Variants in CACNG5 observed in about 807,000 individuals in gnomAD.
The protein encoded by CACNG5 is calcium voltage-gated channel auxiliary subunit gamma 5, also known as voltage-dependent calcium channel gamma-5 subunit.
CACNG5 carries 18 observed loss-of-function variants against 24.8 expected under a neutral mutation model. The ratio of observed to expected loss-of-function variants is 0.73; its 90% CI spans 0.50 to 1.08. The LOEUF (loss-of-function observed/expected upper bound fraction) is 1.08. CACNG5 is among the 50% of genes least tolerant of loss of function. CACNG5 has a pLI of 0.00. For missense variants in CACNG5, 349 were observed against 367.9 expected (o/e 0.95, Z 0.42); for synonymous variants, 157 against 149.1 (o/e 1.05, Z -0.39).
chr17:66,884,542 C>G lies in CACNG5; in HGVS notation c.451C>G (p.Leu151Val), dbSNP rs201816822. The part of the protein sequence containing the change: ...SGLSLVVGLV[L>V]YISSINDEML... The stretch of plus-strand genomic sequence containing the variant: ...CCTCTCTCTCGTGGTGGGCCTGGTG[C>G]TCTACATCTCCAGCATCAACGATGA... The change falls in exon 5 of 6, where the codon CTC (leucine) becomes GTC (valine). Residue 151 changes from leucine to valine, a missense_variant. Leu to Val is a conservative substitution (Grantham distance 32). Transcript: ENST00000533854. 1.5e-5 allele frequency: 25 copies of G among 1,613,396 alleles called. No individual in the cohort carries two copies. The East Asian group carries it at 5.3e-4, about 35-fold the overall frequency.
At position 66,890,658 on chromosome 17, in the gene CACNG5, T is replaced by G. The variant is rs1006392838; in HGVS notation, c.*5418T>G. 4.6e-5 allele frequency among the ~76,000 whole-genome samples: 7 copies of G among 152,252 alleles called. No individual in the cohort carries two copies. Among genetic ancestry groups the G allele is most frequent in the African/African-American group, 1.7e-4 (7 of 41,462 alleles). On this transcript the variant is annotated 3_prime_UTR_variant, in exon 6 of 6. Transcript: ENST00000533854. ...GTTTGCATGCGTGGGCTCTCTGTCC[T>G]GCTGGTTCAGAGGCCTGAGTTCTCA...
In CACNG5 at chr17:66,884,646, C is replaced by G; in HGVS notation, c.555C>G (p.Ser185=). 3 of 1,614,216 alleles carry G rather than the reference C, an allele frequency of 1.9e-6. No individual in the cohort carries two copies. Among genetic ancestry groups the G allele is most frequent in the Non-Finnish European group, 2.5e-6 (3 of 1,180,048 alleles). The change falls in exon 5 of 6, where the codon TCC becomes TCG. Residue 185 remains serine, a synonymous_variant. Transcript: ENST00000533854. Reference sequence around the variant, plus strand: ...GGTCGTTTGCCTTCGCCGCCATCTCCTTCCTTTTAACGGAGGTAAAGCCCG... The same window carrying G: ...GGTCGTTTGCCTTCGCCGCCATCTCGTTCCTTTTAACGGAGGTAAAGCCCG... ...YGWSFAFAAI[S]FLLTESAGVM... is the part of the protein sequence containing the mutation.
Position 66,888,892 on chromosome 17 carries a change from T to C in CACNG5, c.*3652T>C, listed in dbSNP as rs913693566. On this transcript the variant is annotated 3_prime_UTR_variant, in exon 6 of 6. Coordinates refer to ENST00000533854, the MANE Select transcript of CACNG5 (RefSeq NM_145811.3). ...TTCTGGTCAGAGATGTCATTTGTGG[T>C]TTATGGTCATGTTGACCTTAGCCAT... 3.9e-5 allele frequency among the ~76,000 whole-genome samples: 6 copies of C among 152,150 alleles called. No homozygotes were observed. Among genetic ancestry groups the C allele is most frequent in the African/African-American group, 1.2e-4 (5 of 41,438 alleles).
chr17:66,855,336 C>G (rs1458569827), intron 1 of CACNG5, among the ~76,000 whole-genome samples: 1 of 152,166 alleles, frequency 6.6e-6, no homozygotes, highest in Non-Finnish European at 1.5e-5. Context: ...GGCCCCAGGC[C>G]CGGGGCCTCT....
Position 66,854,165 on chromosome 17 carries a change from C to T in CACNG5, c.-104+18915C>T, listed in dbSNP as rs9914995. On this transcript the variant is annotated intron_variant, in intron 1 of 5. Coordinates refer to ENST00000533854, the MANE Select transcript of CACNG5 (RefSeq NM_145811.3). ...AGTGAAAAGGCCGGGTGCGGTGGCT[C>T]ACGCCTGTAATCTCAGCACTTTGGG... is the stretch of plus-strand genomic sequence containing the variant. 9.5e-3 allele frequency among the ~76,000 whole-genome samples: 1,447 copies of T among 152,308 alleles called. 28 individuals carry two copies. The highest frequency in any genetic ancestry group is 0.033 in the African/African-American group (1,363 of 41,558).
chr17:66,865,791 G>T (rs1453170303), intron 1 of CACNG5, among the ~76,000 whole-genome samples: 1 of 143,516 alleles, frequency 7.0e-6, no homozygotes, highest in Non-Finnish European at 1.5e-5. Flanking sequence ...CACCATGCAC[G>T]GCTAATTTTT....
rs762888344 is a variant in CACNG5 at position 66,880,569 on chromosome 17, C to T, written c.296C>T (p.Ser99Leu). 1.2e-6 allele frequency: 2 copies of T among 1,614,224 alleles called. No individual in the cohort carries two copies. The highest frequency in any genetic ancestry group is 2.2e-5 in the South Asian group (2 of 91,084). The change falls in exon 4 of 6, where the codon TCA becomes TTA. Residue 99 changes from serine (S) to leucine (L), a missense_variant. By Grantham distance (145) the Ser-to-Leu change is moderately radical (BLOSUM62 -2). Transcript: ENST00000533854. ...STVNVLKMIRSATPFPLVSLF... is the reference protein window; with the variant it reads ...STVNVLKMIRLATPFPLVSLF... ...TCCCGTTAATTAGAGATGATCCGCTCAGCCACACCATTCCCTCTGGTCAGC... is the reference window on the plus strand; with the variant it reads ...TCCCGTTAATTAGAGATGATCCGCTTAGCCACACCATTCCCTCTGGTCAGC...
intron 1 of CACNG5, among the ~76,000 whole-genome samples, chr17:66,872,904 G>T (rs183576551): frequency 6.6e-6 from 1 of 152,116 alleles, no homozygotes; most frequent in South Asian, 2.1e-4. Context: ...ACTGTGTCTC[G>T]TACATTTCTA....
intron 1 of CACNG5, among the ~76,000 whole-genome samples, chr17:66,866,977 A>G (rs940479538): frequency 1.3e-5 from 2 of 152,184 alleles, no homozygotes; most frequent in African/African-American, 4.8e-5. Flanking sequence ...TCCTTTGGGT[A>G]TATACCCAGT....
intron 1 of CACNG5, among the ~76,000 whole-genome samples, chr17:66,858,462 A>C (rs945572199): frequency 3.9e-5 from 6 of 152,190 alleles, no homozygotes; most frequent in African/African-American, 1.4e-4. Context: ...CGCAGGACTA[A>C]CAGTCCCAGG....
rs150711120 is a variant in CACNG5, at chr17:66,857,467, G to C, written c.-103-19763G>C. On this transcript the variant is annotated intron_variant, in intron 1 of 5. Transcript: ENST00000533854. ...CACTCTAAAAAAGTATAAAGACACA[G>C]GTTAAATTAATTTTAATAATATATT... 5.3e-3 allele frequency among the ~76,000 whole-genome samples: 802 copies of C among 152,290 alleles called. 6 individuals are homozygous for C. The highest frequency in any genetic ancestry group is 0.019 in the African/African-American group (769 of 41,562).
intron 1 of CACNG5, among the ~76,000 whole-genome samples, chr17:66,862,287 G>C (rs1394199433): frequency 6.6e-6 from 1 of 152,058 alleles, no homozygotes; most frequent in African/African-American, 2.4e-5. Flanking sequence ...CTCTTCATAG[G>C]TACAGGTGTT....
At chr17:66,884,952 G>A (rs762239225) in intron 5 of CACNG5, 31 bp from the exon 6 acceptor site, 100 of 1,613,922 alleles carry the variant, frequency 6.2e-5, no homozygotes, top group Non-Finnish European at 7.9e-5. Context: ...CCCCAGCAGC[G>A]AGCCCATCCT....
rs1052686308 is a variant in CACNG5, at chr17:66,893,672, C to T, written c.*8432C>T. On this transcript the variant is annotated 3_prime_UTR_variant, in exon 6 of 6. Transcript: ENST00000533854. ...CAGATTCCATTTTCCTGGCTGACTC[C>T]CAGGGCACCATGGAGCAAATGGCCA... Among the ~76,000 whole-genome samples, 1 of 152,162 alleles carries T rather than the reference C, an allele frequency of 6.6e-6. No individual in the cohort carries two copies. Among genetic ancestry groups the T allele is most frequent in the Non-Finnish European group, 1.5e-5 (1 of 68,040 alleles).
chr17:66,860,482 T>TA (rs1976838780), intron 1 of CACNG5, among the ~76,000 whole-genome samples: 1 of 151,580 alleles, frequency 6.6e-6, no homozygotes, highest in Non-Finnish European at 1.5e-5. Flanking sequence ...AGGCAGTGGG[T>TA]CCGTCTATTT....
chr17:66,884,943 C>A, intron 5 of CACNG5, 40 bp from the exon 6 acceptor site: 1 of 1,614,102 alleles, frequency 6.2e-7, no homozygotes, highest in Non-Finnish European at 8.5e-7. Context: ...TGAGGCAGGC[C>A]CCAGCAGCGA....
At position 66,894,672 on chromosome 17, in the gene CACNG5, T is replaced by A. The variant is rs75851861; in HGVS notation, c.*9432T>A. ...ATTCAGATGTGTTTAATATATATAT[T>A]TTTGTTTCTATGTGCTCCTTAAATG... On this transcript the variant is annotated 3_prime_UTR_variant, in exon 6 of 6. Coordinates refer to ENST00000533854, the MANE Select transcript of CACNG5 (RefSeq NM_145811.3). Among the ~76,000 whole-genome samples, 804 of 152,266 alleles carry A rather than the reference T, an allele frequency of 5.3e-3. 5 individuals are homozygous for A. Among genetic ancestry groups the A allele is most frequent in the African/African-American group, 0.018 (762 of 41,534 alleles).
intron 1 of CACNG5, among the ~76,000 whole-genome samples, chr17:66,871,591 A>T (rs554644627): frequency 3.3e-5 from 5 of 152,308 alleles, no homozygotes; most frequent in East Asian, 3.9e-4. Flanking sequence ...CCTAATTGCT[A>T]GTCATGGATG....
In CACNG5 at chr17:66,877,530, T is replaced by G; in HGVS notation, c.196+2T>G. 6.2e-7 allele frequency: 1 copy of G among 1,612,466 alleles called. No homozygotes were observed. The highest frequency in any genetic ancestry group is 8.5e-7 in the Non-Finnish European group (1 of 1,179,474). Reference sequence around the variant, plus strand: ...TCTGGCGGGTCTGCTTCCTTGCAGGTAAGGGTGCCCAGGGTTGGGGACAGC... The same window carrying G: ...TCTGGCGGGTCTGCTTCCTTGCAGGGAAGGGTGCCCAGGGTTGGGGACAGC... On this transcript the variant is annotated splice_donor_variant, in intron 2 of 5. Transcript: ENST00000533854. LOFTEE classifies it high-confidence loss of function.
Sources: gnomAD v4.1 joint callset for allele counts (sites outside exome capture counted in the v4.1 genomes callset) on GRCh38, gnomAD v4.1.1 for gene constraint, MANE v1.5 for transcripts, NCBI Gene and HGNC (gene_info 2026-07-23, HGNC 2026-07-21) for gene names.